The following SENP7 variants were observed in gnomAD, a reference collection of about 807,000 sequenced individuals.
SENP7 encodes the protein SUMO specific peptidase 7, also known as sentrin-specific protease 7.
In SENP7, 64 loss-of-function variants were observed where a neutral mutation model predicts 141.2. The observed-to-expected ratio is 0.45, with a 90% CI of 0.37 to 0.56. The LOEUF is 0.56. Ranked by LOEUF, SENP7 falls within the 20% of genes least tolerant of loss-of-function variation. SENP7 has a pLI of 0.00. For missense variants in SENP7, 1,025 were observed against 1,212.2 expected (o/e 0.85, Z 2.29); for synonymous variants, 382 against 426.4 (o/e 0.90, Z 1.28).
intron 4 of SENP7, among the ~76,000 whole-genome samples, chr3:101,439,453 G>A (rs2062551923): frequency 7.7e-5 from 1 of 12,954 alleles, no homozygotes; most frequent in Non-Finnish European, 1.3e-4. Context: ...GGAGGTGGGG[G>A]GTCAGCCCCC....
At chr3:101,500,246 A>C (rs142109755) in intron 2 of SENP7, among the ~76,000 whole-genome samples, 2,368 of 152,330 alleles carry the variant, frequency 0.016, 25 homozygotes, top group Middle Eastern at 0.041. Flanking sequence ...TTAAAGAACA[A>C]AATTCTAGAA....
At chr3:101,429,615 T>C (rs1310329917) in intron 4 of SENP7, among the ~76,000 whole-genome samples, 2 of 152,204 alleles carry the variant, frequency 1.3e-5, no homozygotes, top group Non-Finnish European at 2.9e-5. Context: ...TTCCTAAATA[T>C]ACAATCATGC....
At chr3:101,370,445 CT>C (rs1407077682) in intron 7 of SENP7, among the ~76,000 whole-genome samples, 1 of 152,126 alleles carries the variant, frequency 6.6e-6, no homozygotes, top group Non-Finnish European at 1.5e-5. Context: ...GGATACCAAA[CT>C]CCATGGATCC....
At chr3:101,484,264 A>C (rs1161289215) in intron 3 of SENP7, among the ~76,000 whole-genome samples, 1 of 152,222 alleles carries the variant, frequency 6.6e-6, no homozygotes, top group Non-Finnish European at 1.5e-5. Context: ...CAAGCCAAAG[A>C]CTGAGAGAAA....
intron 3 of SENP7, among the ~76,000 whole-genome samples, chr3:101,488,177 C>A (rs2064809705): frequency 6.6e-6 from 1 of 152,058 alleles, no homozygotes; most frequent in Admixed American, 6.6e-5. Context: ...CTTTCACCTT[C>A]TTAGTCAACT....
intron 6 of SENP7, among the ~76,000 whole-genome samples, chr3:101,388,492 GAA>G (rs1414067735): frequency 6.6e-6 from 1 of 152,066 alleles, no homozygotes. Flanking sequence ...ACATCTACAG[GAA>G]AAAGTTTCCC....
At position 101,332,859 on chromosome 3, in the gene SENP7, C is replaced by T; in HGVS notation, c.2484G>A (p.Met828Ile). Residue 828 changes from methionine to isoleucine, a missense_variant, in exon 18 of 24, where the codon ATG becomes ATA. Transcript: ENST00000394095. ...NLTEDNPNLS[M>I]AQRRHKRVRT... Reference sequence around the variant, plus strand: ...TTACTCTTTTATGTCTTCTCTGTGCCATTCTGAGAGTATGAAAGACAGATT... The same window carrying T: ...TTACTCTTTTATGTCTTCTCTGTGCTATTCTGAGAGTATGAAAGACAGATT... The T allele has an allele frequency of 6.3e-7, 1 of 1,575,200 alleles. No individual in the cohort carries two copies. Among genetic ancestry groups the T allele is most frequent in the Non-Finnish European group, 8.6e-7 (1 of 1,165,988 alleles).
Position 101,366,700 on chromosome 3 carries a change from G to C in SENP7, c.1048C>G (p.Pro350Ala), listed in dbSNP as rs141745412. 4.3e-5 allele frequency: 70 copies of C among 1,612,750 alleles called. No individual in the cohort carries two copies. In the African/African-American group the frequency reaches 8.1e-4, roughly 19 times the overall value. ...EKPSENYHQD[P>A]KLPEEITTKP... ...GTTGTAATTTCTTCAGGCAGTTTTG[G>C]ATCCTGATGATAGTTTTCACTTGGC... Residue 350 changes from proline to alanine, a missense_variant, in exon 9 of 24, where the codon CCA (proline) becomes GCA (alanine). This residue lies in a region of SENP7 where 496 missense variants were observed against 503.5 expected (regional missense o/e 0.99). Transcript: ENST00000394095.
At chr3:101,479,912 A>C (rs1337534184) in intron 3 of SENP7, among the ~76,000 whole-genome samples, 1 of 134,648 alleles carries the variant, frequency 7.4e-6, no homozygotes, top group African/African-American at 2.6e-5. Context: ...AAAAAAAAAA[A>C]AAAAAAAAAA....
chr3:101,492,455 T>C (rs912728815), intron 3 of SENP7, among the ~76,000 whole-genome samples: 1 of 152,188 alleles, frequency 6.6e-6, no homozygotes, highest in Non-Finnish European at 1.5e-5. Flanking sequence ...TAAAACACGT[T>C]ATCCTAAAAT....
intron 3 of SENP7, among the ~76,000 whole-genome samples, chr3:101,475,828 C>T (rs553593570): frequency 8.5e-5 from 13 of 152,208 alleles, no homozygotes; most frequent in African/African-American, 3.1e-4. Flanking sequence ...CATATTTACA[C>T]CCAATACAGG....
At chr3:101,424,018 G>C (rs2061869841) in intron 4 of SENP7, among the ~76,000 whole-genome samples, 1 of 152,130 alleles carries the variant, frequency 6.6e-6, no homozygotes, top group African/African-American at 2.4e-5. Context: ...CTCTAGGCTT[G>C]ACTTGCTCCC....
intron 17 of SENP7, among the ~76,000 whole-genome samples, chr3:101,334,176 G>A (rs1231288252): frequency 6.6e-6 from 1 of 152,168 alleles, no homozygotes; most frequent in East Asian, 1.9e-4. Context: ...AAGCCCAGGG[G>A]TTGGGGACCC....
chr3:101,375,514 C>T (rs2060296922), intron 6 of SENP7, among the ~76,000 whole-genome samples: 1 of 118,248 alleles, frequency 8.5e-6, no homozygotes, highest in South Asian at 2.9e-4. Context: ...TGCACTCCAG[C>T]GTGGGCAACA....
chr3:101,479,999 C>G (rs4258943), intron 3 of SENP7, among the ~76,000 whole-genome samples: 27,803 of 135,674 alleles, frequency 0.2, 3,083 homozygotes, highest in Admixed American at 0.38. Context: ...ATGAGGAAAA[C>G]TACAAAACAC....
intron 6 of SENP7, among the ~76,000 whole-genome samples, chr3:101,385,096 C>G (rs1445629472): frequency 6.6e-6 from 1 of 152,020 alleles, no homozygotes; most frequent in Admixed American, 6.6e-5. Context: ...TAGAGTATAA[C>G]AGATTCAAAC....
chr3:101,343,582 T>C (rs1239310746), intron 14 of SENP7, 104 bp downstream of exon 14: 5 of 1,217,370 alleles, frequency 4.1e-6, no homozygotes, highest in African/African-American at 3.0e-5. Context: ...TTGGTTCCTA[T>C]GCCCTTTTCA....
intron 3 of SENP7, among the ~76,000 whole-genome samples, chr3:101,461,249 G>A (rs1233503644): frequency 6.6e-6 from 1 of 151,434 alleles, no homozygotes; most frequent in Non-Finnish European, 1.5e-5. Context: ...TCTCCTTCAA[G>A]AACAAAAAAA....
intron 6 of SENP7, among the ~76,000 whole-genome samples, chr3:101,382,541 A>G (rs1471342931): frequency 6.6e-6 from 1 of 152,214 alleles, no homozygotes; most frequent in East Asian, 1.9e-4. Context: ...ACTTCTTTAC[A>G]TTAGCAGTTA....
Sources: allele counts gnomAD v4.1 joint callset (sites outside exome capture counted in the v4.1 genomes callset), GRCh38; gene constraint gnomAD v4.1.1; regional missense constraint gnomAD v4.1.1; transcripts MANE v1.5; gene names NCBI Gene and HGNC (gene_info 2026-07-23, HGNC 2026-07-21).